The following XPO1 variants were observed in gnomAD, a reference collection of about 807,000 sequenced individuals.
The protein encoded by XPO1 is exportin-1.
Under a neutral mutation model 133.3 loss-of-function variants are expected in XPO1, and 5 were observed. The ratio of observed to expected loss-of-function variants is 0.04; its 90% CI spans 0.02 to 0.08. The LOEUF (loss-of-function observed/expected upper bound fraction) is 0.08, where lower values mean the gene tolerates loss of function less well. XPO1 is among the 10% of genes least tolerant of loss of function. XPO1 has a pLI of 1.00. For missense variants in XPO1, 506 were observed against 1,267.5 expected (o/e 0.40, Z 9.12); for synonymous variants, 419 against 408.2 (o/e 1.03, Z -0.32).
chr2:61,482,595 G>A, intron 22 of XPO1, 56 bp from the exon 23 acceptor site: 1 of 1,389,300 alleles, frequency 7.2e-7, no homozygotes, highest in Middle Eastern at 2.7e-4. Context: ...ATAGATCTTA[G>A]CGTTTTTTTT....
At chr2:61,524,750 C>T (rs1252820187) in intron 3 of XPO1, among the ~76,000 whole-genome samples, 2 of 152,128 alleles carry the variant, frequency 1.3e-5, no homozygotes, top group African/African-American at 4.8e-5. Flanking sequence ...GACCCCACTT[C>T]TATAAAAAAA....
At chr2:61,516,120 C>T (rs1473857150) in intron 4 of XPO1, among the ~76,000 whole-genome samples, 13 of 148,130 alleles carry the variant, frequency 8.8e-5, no homozygotes, top group African/African-American at 3.0e-4. Context: ...AGCGAAACTC[C>T]GTCGCAAAAT....
chr2:61,500,810 G>A (rs1228853821), intron 6 of XPO1, among the ~76,000 whole-genome samples: 1 of 152,046 alleles, frequency 6.6e-6, no homozygotes, highest in African/African-American at 2.4e-5. Flanking sequence ...AACAAGAAAA[G>A]AAGAAATTAT....
At chr2:61,501,368 A>T (rs1697508118) in intron 6 of XPO1, among the ~76,000 whole-genome samples, 1 of 152,186 alleles carries the variant, frequency 6.6e-6, no homozygotes, top group Non-Finnish European at 1.5e-5. Flanking sequence ...AAGGACGAGG[A>T]AATCAAAGGA....
chr2:61,500,528 G>A (rs1040623885), intron 6 of XPO1, among the ~76,000 whole-genome samples: 2 of 130,720 alleles, frequency 1.5e-5, no homozygotes, highest in African/African-American at 2.9e-5. Context: ...GCAGTGAGCC[G>A]AGACCAGGCC....
chr2:61,500,314 C>G (rs1697441289), intron 6 of XPO1, among the ~76,000 whole-genome samples: 1 of 152,024 alleles, frequency 6.6e-6, no homozygotes, highest in Non-Finnish European at 1.5e-5. Context: ...GGCGTGGTAG[C>G]TCGTGCCTGT....
At chr2:61,488,403 A>T (rs1391695814) in intron 18 of XPO1, 132 bp from the exon 19 acceptor site, 14 of 1,205,496 alleles carry the variant, frequency 1.2e-5, no homozygotes, top group Non-Finnish European at 1.5e-5. Context: ...TTTATTGGGA[A>T]AATAAGCTTT....
chr2:61,480,064 C>A (rs1247207759), intron 24 of XPO1, among the ~76,000 whole-genome samples: 1 of 151,930 alleles, frequency 6.6e-6, no homozygotes, highest in Non-Finnish European at 1.5e-5. Context: ...GAGGTTTCAC[C>A]ATGTTGGCCG....
Position 61,526,571 on chromosome 2 carries a change from A to T in XPO1, c.127-50T>A, listed in dbSNP as rs539643693. The T allele has an allele frequency of 4.3e-6, 6 of 1,380,564 alleles. No individual in the cohort carries two copies. In the African/African-American group the frequency reaches 8.9e-5, roughly 21 times the overall value. The allele number at this position is 1,380,564 out of a possible 1,614,324, so 85.5% of individuals were successfully genotyped here. A position where few individuals can be genotyped will look rare whatever the true frequency, so the allele number is the denominator to read the frequency against. On this transcript the variant is annotated intron_variant, in intron 2 of 24. Transcript: ENST00000401558. ...AACTTAAGCTAATGTATTCTTTTGA[A>T]TCATTCATTAAAATGAAAACTACTG...
intron 1 of XPO1, chr2:61,536,863 A>C (rs1172962450): frequency 2.6e-5 from 4 of 152,710 alleles, no homozygotes; most frequent in African/African-American, 4.8e-5. Flanking sequence ...ACCCAACCCA[A>C]ACTCACAGAC....
chr2:61,530,382 G>A (rs989859444), intron 2 of XPO1, among the ~76,000 whole-genome samples: 1 of 151,566 alleles, frequency 6.6e-6, no homozygotes, highest in Non-Finnish European at 1.5e-5. Context: ...ACCCCAGCAG[G>A]GGTTTAAAAA....
chr2:61,523,115 T>C (rs930825285), intron 3 of XPO1, among the ~76,000 whole-genome samples: 2 of 152,234 alleles, frequency 1.3e-5, no homozygotes, highest in African/African-American at 2.4e-5. Flanking sequence ...CTAGGAGTTA[T>C]AAGCTTTTGG....
chr2:61,525,092 T>C (rs1021675799), intron 3 of XPO1, among the ~76,000 whole-genome samples: 1 of 152,084 alleles, frequency 6.6e-6, no homozygotes, highest in African/African-American at 2.4e-5. Flanking sequence ...GAGGGACAGA[T>C]AACAGCAAAG....
intron 2 of XPO1, among the ~76,000 whole-genome samples, chr2:61,532,277 G>A (rs1490920598): frequency 2.0e-5 from 3 of 151,788 alleles, no homozygotes; most frequent in Admixed American, 6.6e-5. Flanking sequence ...ACAGGCGCCC[G>A]CCACCACGCC....
At chr2:61,491,134 G>GT in intron 16 of XPO1, among the ~76,000 whole-genome samples, 1 of 151,870 alleles carries the variant, frequency 6.6e-6, no homozygotes, top group African/African-American at 2.4e-5. Context: ...GGGTGACAGA[G>GT]GAAGACTCCA....
chr2:61,482,034 C>CTTTTTTTTTTTTTTTTTTTTT (rs1195049382), intron 23 of XPO1, among the ~76,000 whole-genome samples: 1 of 71,388 alleles, frequency 1.4e-5, no homozygotes, highest in Non-Finnish European at 2.7e-5. Context: ...CGTGCGTGGC[C>CTTTTTTTTTTTTTTTTTTTTT]TTTTTTTTTT....
At chr2:61,507,309 C>T (rs987104723) in intron 4 of XPO1, among the ~76,000 whole-genome samples, 2 of 151,192 alleles carry the variant, frequency 1.3e-5, no homozygotes, top group African/African-American at 4.9e-5. Flanking sequence ...CACGATGGCT[C>T]ACACCTGTAA....
intron 2 of XPO1, among the ~76,000 whole-genome samples, chr2:61,533,090 A>G (rs1361974022): frequency 6.6e-6 from 1 of 151,922 alleles, no homozygotes; most frequent in Non-Finnish European, 1.5e-5. Context: ...GAGGCAAGAC[A>G]ATCGCTTGAA....
chr2:61,477,904 A>G lies in XPO1; in HGVS notation c.*916T>C, dbSNP rs1320143834. The G allele has an allele frequency of 1.4e-5, 3 of 212,930 alleles. No homozygotes were observed. Among genetic ancestry groups the G allele is most frequent in the Admixed American group, 5.9e-5 (1 of 17,048 alleles). 13.2% of individuals were successfully genotyped at this position (212,930 alleles called of 1,614,324 possible). On this transcript the variant is annotated 3_prime_UTR_variant, in exon 25 of 25. Transcript: ENST00000401558. ...AACACAAATACCCACTATCATTAAT[A>G]TAGGAATAAATGAGTCAATAAAGGA...
Sources: allele counts gnomAD v4.1 joint callset (sites outside exome capture counted in the v4.1 genomes callset), GRCh38; gene constraint gnomAD v4.1.1; transcripts MANE v1.5; gene names NCBI Gene and HGNC (gene_info 2026-07-23, HGNC 2026-07-21).